Variants in ATP11A observed in about 807,000 individuals in gnomAD.
ATP11A encodes phospholipid-transporting ATPase IH.
ATP11A carries 81 observed loss-of-function variants against 154.4 expected under a neutral mutation model. That is an observed-to-expected ratio of 0.52 (90% CI 0.44 to 0.63). The LOEUF is 0.63. ATP11A is among the 30% of genes least tolerant of loss of function. ATP11A has a pLI of 0.00. For synonymous variants in ATP11A, 623 were observed against 585.9 expected (o/e 1.06, Z -0.91); for missense variants, 1,316 against 1,474.3 (o/e 0.89, Z 1.76).
chr13:112,753,121 G>A lies in ATP11A; in HGVS notation c.40-32014G>A, dbSNP rs1039055703. 1.3e-5 allele frequency among the ~76,000 whole-genome samples: 2 copies of A among 152,056 alleles called. No individual in the cohort carries two copies. The highest frequency in any genetic ancestry group is 2.1e-4 in the South Asian group (1 of 4,814). The stretch of plus-strand genomic sequence containing the variant: ...ATATACGGTGGCTTACAGTTACCCC[G>A]GCCCAGACTTTTTTCTCTCTGTCCC... On this transcript the variant is annotated intron_variant, in intron 1 of 29. Coordinates refer to ENST00000375645, the MANE Select transcript of ATP11A (RefSeq NM_015205.3). The surrounding 1 kb of genome is among the most constrained non-coding windows in gnomAD (Gnocchi z 4.1).
chr13:112,765,281 G>A (rs556246996), intron 1 of ATP11A, among the ~76,000 whole-genome samples: 1 of 152,252 alleles, frequency 6.6e-6, no homozygotes, highest in African/African-American at 2.4e-5. Flanking sequence ...GGCCTGGCAA[G>A]TTGTTCTGAC....
At position 112,831,477 on chromosome 13, in the gene ATP11A, TGCAACG is replaced by T. The variant is rs776986297; in HGVS notation, c.1326_1331del (p.Cys442_Gly444delinsTrp). Reference sequence around the variant, plus strand: ...CCATGTCTACGTGCCCCACGTCATCTGCAACGGGCAGGTCCTCCCAGAGTCGTCAGG... The same window carrying T: ...CCATGTCTACGTGCCCCACGTCATCTGGCAGGTCCTCCCAGAGTCGTCAGG... On this transcript the variant is annotated inframe_deletion, in exon 13 of 30. Transcript: ENST00000375645. 1 of 1,614,190 alleles carries T rather than the reference TGCAACG, an allele frequency of 6.2e-7. No homozygotes were observed. The highest frequency in any genetic ancestry group is 8.5e-7 in the Non-Finnish European group (1 of 1,180,032).
intron 1 of ATP11A, among the ~76,000 whole-genome samples, chr13:112,775,357 G>A (rs1385635569): frequency 6.6e-6 from 1 of 152,200 alleles, no homozygotes; most frequent in Non-Finnish European, 1.5e-5. Context: ...CACAGCGGGA[G>A]GCATGGGATG....
In ATP11A at chr13:112,807,571, C is replaced by T. The variant is rs987726226; in HGVS notation, c.333+1278C>T. 1.3e-5 allele frequency among the ~76,000 whole-genome samples: 2 copies of T among 152,182 alleles called. No individual in the cohort carries two copies. The highest frequency in any genetic ancestry group is 4.8e-5 in the African/African-American group (2 of 41,434). Reference sequence around the variant, plus strand: ...GTTTAACTCCTACCTGGGATAAGGCCTCACTTCATGTCGGTGGCAGGCTCT... The same window carrying T: ...GTTTAACTCCTACCTGGGATAAGGCTTCACTTCATGTCGGTGGCAGGCTCT... On this transcript the variant is annotated intron_variant, in intron 4 of 29. Transcript: ENST00000375645. The surrounding 1 kb of genome is among the most constrained non-coding windows in gnomAD (Gnocchi z 4.5).
At chr13:112,698,980 G>A (rs1031898160) in intron 1 of ATP11A, among the ~76,000 whole-genome samples, 2 of 152,030 alleles carry the variant, frequency 1.3e-5, no homozygotes, top group Non-Finnish European at 2.9e-5. Context: ...CATCTGCCTC[G>A]GCCTCCCAAA....
At chr13:112,823,283 G>GC (rs1026932195) in intron 8 of ATP11A, 62 bp from the exon 9 acceptor site, 12 of 1,311,584 alleles carry the variant, frequency 9.1e-6, no homozygotes, top group Middle Eastern at 1.8e-4. Context: ...TCTGCCTCTT[G>GC]CCCCCCGCCC....
chr13:112,880,446 T>C, intron 29 of ATP11A: 1 of 1,059,320 alleles, frequency 9.4e-7, no homozygotes, highest in South Asian at 1.7e-5. Context: ...GCTTCGAGCC[T>C]CTTCCTGCTG....
intron 1 of ATP11A, among the ~76,000 whole-genome samples, chr13:112,737,676 G>A (rs943062209): frequency 3.9e-5 from 6 of 152,172 alleles, no homozygotes; most frequent in African/African-American, 2.4e-5. Context: ...TGGAAACCTC[G>A]GAGGGTTTTG....
intron 25 of ATP11A, among the ~76,000 whole-genome samples, chr13:112,866,892 A>C (rs2080352307): frequency 6.6e-6 from 1 of 152,148 alleles, no homozygotes; most frequent in Non-Finnish European, 1.5e-5. Flanking sequence ...CTGTTTTAAA[A>C]GCTTTAAGTT....
intron 1 of ATP11A, among the ~76,000 whole-genome samples, chr13:112,774,055 T>A (rs1277684712): frequency 6.6e-6 from 1 of 152,240 alleles, no homozygotes; most frequent in Non-Finnish European, 1.5e-5. Context: ...CACGGGGAAC[T>A]AGGAATTCCC....
intron 2 of ATP11A, among the ~76,000 whole-genome samples, chr13:112,789,477 A>G (rs1176711345): frequency 7.1e-6 from 1 of 140,936 alleles, no homozygotes; most frequent in African/African-American, 2.7e-5. Flanking sequence ...GACCTACTTA[A>G]TTCACACCAG....
At chr13:112,723,561 C>T (rs1050684382) in intron 1 of ATP11A, among the ~76,000 whole-genome samples, 6 of 151,104 alleles carry the variant, frequency 4.0e-5, no homozygotes, top group African/African-American at 1.2e-4. Flanking sequence ...CGTGAGCCAC[C>T]GTGCCTGGCC....
At chr13:112,731,147 C>G (rs988334633) in intron 1 of ATP11A, among the ~76,000 whole-genome samples, 1 of 151,764 alleles carries the variant, frequency 6.6e-6, no homozygotes, top group African/African-American at 2.4e-5. Flanking sequence ...GTTGGCCAGG[C>G]TGGTCTGGAA....
At chr13:112,806,067 A>G (rs550606459) in intron 3 of ATP11A, 146 bp from the exon 4 acceptor site, 23 of 575,214 alleles carry the variant, frequency 4.0e-5, no homozygotes, top group East Asian at 5.6e-5. Context: ...TTGACTTGCT[A>G]TCTCCCGTGG....
At chr13:112,734,720 C>T (rs1174158567) in intron 1 of ATP11A, among the ~76,000 whole-genome samples, 4 of 152,162 alleles carry the variant, frequency 2.6e-5, no homozygotes, top group African/African-American at 4.8e-5. Flanking sequence ...CTGTTTTTCT[C>T]GACACCACAA....
intron 8 of ATP11A, among the ~76,000 whole-genome samples, chr13:112,822,875 A>G (rs1045934148): frequency 9.9e-5 from 15 of 152,108 alleles, no homozygotes; most frequent in Admixed American, 9.8e-4. Context: ...GAGGCTTGTT[A>G]GGAGAGGGCT....
At chr13:112,736,902 T>A (rs943089629) in intron 1 of ATP11A, among the ~76,000 whole-genome samples, 7 of 152,158 alleles carry the variant, frequency 4.6e-5, no homozygotes, top group Non-Finnish European at 1.5e-5. Flanking sequence ...GGTCAGGGAT[T>A]TGTATCCAGG....
At chr13:112,745,772 T>A (rs1892056463) in intron 1 of ATP11A, 1 of 152,144 alleles carries the variant, frequency 6.6e-6, no homozygotes, top group African/African-American at 2.4e-5. Flanking sequence ...AAGTTTTGAA[T>A]TGTAAAAAAA....
intron 13 of ATP11A, among the ~76,000 whole-genome samples, chr13:112,831,916 ACT>A (rs2079098705): frequency 6.6e-6 from 1 of 150,516 alleles, no homozygotes; most frequent in African/African-American, 2.5e-5. Flanking sequence ...ATGCCCAGAC[ACT>A]GTGTGCACAC....
Sources: gnomAD v4.1 joint callset for allele counts (sites outside exome capture counted in the v4.1 genomes callset) on GRCh38, gnomAD v4.1.1 for gene constraint, Gnocchi (gnomAD v3.1) non-coding constraint, MANE v1.5 for transcripts, NCBI Gene and HGNC (gene_info 2026-07-23, HGNC 2026-07-21) for gene names.